Variants in ARHGEF4 observed in about 807,000 individuals in gnomAD.
ARHGEF4 encodes the protein APC-stimulated guanine nucleotide exchange factor 1.
In ARHGEF4, 119 loss-of-function variants were observed where a neutral mutation model predicts 162.0. The ratio of observed to expected loss-of-function variants is 0.73; its 90% CI spans 0.63 to 0.86. The LOEUF (loss-of-function observed/expected upper bound fraction) is 0.86. Among genes scored for constraint, ARHGEF4 ranks in the 40% least tolerant of loss-of-function variants. The pLI is 0.00. For missense variants in ARHGEF4, 2,488 were observed against 2,456.0 expected (o/e 1.01, Z -0.28); for synonymous variants, 1,014 against 979.9 (o/e 1.03, Z -0.65).
At position 130,875,429 on chromosome 2, in the gene ARHGEF4, T is replaced by G. The variant is rs1056350077; in HGVS notation, c.39+38437T>G. On this transcript the variant is annotated intron_variant, in intron 1 of 13. Coordinates refer to ENST00000409359, the MANE Select transcript of ARHGEF4 (RefSeq NM_001367493.1). Reference sequence around the variant, plus strand: ...GTTGATGGTTCTGGAGGCTGGGAAGTGCAAGATCAGACAGCCACGTCTGCT... The same window carrying G: ...GTTGATGGTTCTGGAGGCTGGGAAGGGCAAGATCAGACAGCCACGTCTGCT... Among the ~76,000 whole-genome samples the G allele has an allele frequency of 4.6e-5, 7 of 152,276 alleles. No individual in the cohort carries two copies. In the East Asian group the frequency reaches 1.2e-3, roughly 25 times the overall value.
intron 4 of ARHGEF4, among the ~76,000 whole-genome samples, chr2:130,957,937 C>A (rs1371541994): frequency 6.6e-6 from 1 of 151,664 alleles, no homozygotes; most frequent in Non-Finnish European, 1.5e-5. Context: ...CCAATTATAG[C>A]AGCCTGAACT....
Position 131,046,403 on chromosome 2 carries a change from C to T in ARHGEF4, c.*214C>T. On this transcript the variant is annotated 3_prime_UTR_variant, in exon 14 of 14. Transcript: ENST00000409359. ...TGAAGAGACCAGCAAGGGGGCAGAC[C>T]CCGCACTCGCCACACCGCCGCTGCA... 1.8e-6 allele frequency: 1 copy of T among 570,832 alleles called. No individual in the cohort carries two copies. The highest frequency in any genetic ancestry group is 2.3e-5 in the South Asian group (1 of 43,704). The allele number at this position is 570,832 out of a possible 1,614,324, so 35.4% of individuals were successfully genotyped here.
At position 130,919,692 on chromosome 2, in the gene ARHGEF4, A is replaced by G. The variant is rs562902701; in HGVS notation, c.3552+2194A>G. ...GAAGTTCGAGACCAGCCTGGCCAAC[A>G]TGGTGAAACCCCGTCTCTACTAAAA... On this transcript the variant is annotated intron_variant, in intron 2 of 13. Transcript: ENST00000409359. Among the ~76,000 whole-genome samples, 6 of 152,266 alleles carry G rather than the reference A, an allele frequency of 3.9e-5. No homozygotes were observed. In the East Asian group the frequency reaches 1.2e-3, roughly 29 times the overall value.
At chr2:130,870,731 A>G (rs1375910731) in intron 1 of ARHGEF4, among the ~76,000 whole-genome samples, 2 of 152,094 alleles carry the variant, frequency 1.3e-5, no homozygotes, top group Non-Finnish European at 2.9e-5. Flanking sequence ...TTACAAGGCT[A>G]TGGTCAAGAT....
intron 4 of ARHGEF4, among the ~76,000 whole-genome samples, chr2:130,958,408 T>TG (rs1056665400): frequency 3.3e-5 from 5 of 151,922 alleles, no homozygotes; most frequent in African/African-American, 9.7e-5. Context: ...TTTTTTTTTT[T>TG]GCTGGGGAGG....
intron 2 of ARHGEF4, among the ~76,000 whole-genome samples, chr2:130,927,107 T>A (rs761760670): frequency 1.3e-5 from 2 of 152,070 alleles, no homozygotes; most frequent in African/African-American, 2.4e-5. Flanking sequence ...ATTAGGTTGA[T>A]GCCCTTTAGA....
At chr2:130,837,423 C>G (rs550455866) in intron 1 of ARHGEF4, 4 of 324,760 alleles carry the variant, frequency 1.2e-5, no homozygotes, top group Admixed American at 4.5e-5. Context: ...GGTGCCGGCC[C>G]GGTGGGTACG....
Position 130,916,756 on chromosome 2 carries a change from C to T in ARHGEF4, c.2810C>T (p.Ser937Phe), listed in dbSNP as rs1421314339. 1.4e-5 allele frequency: 21 copies of T among 1,550,542 alleles called. No homozygotes were observed. The highest frequency in any genetic ancestry group is 1.8e-5 in the Non-Finnish European group (21 of 1,147,050). ...KENTHERSPS[S>F]PKGEKEKSRL... ...AACACCCATGAACGTTCCCCAAGTT[C>T]TCCCAAGGGCGAGAAGGAGAAGAGC... is the stretch of plus-strand genomic sequence containing the variant. Residue 937 changes from serine (S) to phenylalanine (F), a missense_variant, in exon 2 of 14, where the codon TCT becomes TTT. Physicochemically the swap from Ser to Phe is radical, Grantham distance 155. Around this residue, in one of 6 missense-constraint regions of ARHGEF4, gnomAD observed 1,642 missense variants for 1,481.5 expected, o/e 1.11. Transcript: ENST00000409359.
intron 4 of ARHGEF4, among the ~76,000 whole-genome samples, chr2:130,982,595 CTT>C (rs1686197179): frequency 6.8e-6 from 1 of 147,614 alleles, no homozygotes; most frequent in South Asian, 2.3e-4. Context: ...CCTCCTCCTC[CTT>C]TCCCTCCTCC....
At position 130,934,915 on chromosome 2, in the gene ARHGEF4, T is replaced by A. The variant is rs566611894; in HGVS notation, c.3858+3658T>A. Among the ~76,000 whole-genome samples the A allele has an allele frequency of 3.9e-5, 6 of 152,314 alleles. No homozygotes were observed. The South Asian group carries it at 1.2e-3, about 32-fold the overall frequency. On this transcript the variant is annotated intron_variant, in intron 3 of 13. Coordinates refer to ENST00000409359, the MANE Select transcript of ARHGEF4 (RefSeq NM_001367493.1). Reference sequence around the variant, plus strand: ...GAATTTCTCCATTTTATCTACATTATCTAATCTGTTGATATACAATTGTCC... The same window carrying A: ...GAATTTCTCCATTTTATCTACATTAACTAATCTGTTGATATACAATTGTCC...
intron 4 of ARHGEF4, among the ~76,000 whole-genome samples, chr2:130,991,575 G>A (rs1272935206): frequency 6.6e-6 from 1 of 152,254 alleles, no homozygotes; most frequent in African/African-American, 2.4e-5. Context: ...GGCAATGAGG[G>A]AATTAGCACC....
At chr2:131,006,026 G>C (rs1688092621) in intron 4 of ARHGEF4, among the ~76,000 whole-genome samples, 1 of 152,214 alleles carries the variant, frequency 6.6e-6, no homozygotes, top group Non-Finnish European at 1.5e-5. Flanking sequence ...CAGGAGAGGA[G>C]CTAAGAGAGA....
chr2:130,984,688 T>TAA (rs78222237), intron 4 of ARHGEF4, among the ~76,000 whole-genome samples: 5,569 of 137,448 alleles, frequency 0.041, 335 homozygotes, highest in African/African-American at 0.13. Flanking sequence ...GGCTCTGTCT[T>TAA]AAAAAAAAAA....
intron 1 of ARHGEF4, among the ~76,000 whole-genome samples, chr2:130,895,399 C>T (rs892456261): frequency 2.0e-5 from 3 of 152,222 alleles, no homozygotes; most frequent in Non-Finnish European, 4.4e-5. Flanking sequence ...GCTTACAAAT[C>T]TTTGTGTGAA....
chr2:130,872,500 C>A (rs1678554613), intron 1 of ARHGEF4, among the ~76,000 whole-genome samples: 1 of 152,180 alleles, frequency 6.6e-6, no homozygotes, highest in African/African-American at 2.4e-5. Flanking sequence ...CTGCCATCCC[C>A]AGCCCTCCTC....
intron 5 of ARHGEF4, among the ~76,000 whole-genome samples, chr2:131,031,452 G>A (rs1260837532): frequency 6.6e-6 from 1 of 152,212 alleles, no homozygotes; most frequent in Non-Finnish European, 1.5e-5. Flanking sequence ...TGTGTAGTGA[G>A]TACTTGCGTC....
chr2:131,040,285 C>A lies in ARHGEF4; in HGVS notation c.4507C>A (p.Arg1503Ser). Reference protein sequence around the residue: ...CEGYVRQCRKRADMFSEEQLR... With the variant: ...CEGYVRQCRKSADMFSEEQLR... ...GGGCTACGTCCGGCAGTGCCGCAAG[C>A]GCGCAGACATGTTCAGCGAGGAGCA... Residue 1503 changes from arginine to serine, a missense_variant, in exon 8 of 14, where the codon CGC becomes AGC. Arg to Ser is a moderately radical substitution (Grantham distance 110). Around this residue, in one of 6 missense-constraint regions of ARHGEF4, gnomAD observed 415 missense variants for 512.4 expected, o/e 0.81. Coordinates refer to ENST00000409359, the MANE Select transcript of ARHGEF4 (RefSeq NM_001367493.1). The A allele has an allele frequency of 1.9e-6, 3 of 1,612,950 alleles. No individual in the cohort carries two copies. The highest frequency in any genetic ancestry group is 8.5e-7 in the Non-Finnish European group (1 of 1,179,760).
intron 1 of ARHGEF4, among the ~76,000 whole-genome samples, chr2:130,898,284 G>A (rs16856321): frequency 0.02 from 2,974 of 152,278 alleles, 79 homozygotes; most frequent in African/African-American, 0.066. Flanking sequence ...GCACCGCTGC[G>A]TTCACAGGCA....
intron 1 of ARHGEF4, among the ~76,000 whole-genome samples, chr2:130,853,794 C>T (rs779525176): frequency 2.6e-5 from 4 of 152,208 alleles, no homozygotes; most frequent in African/African-American, 4.8e-5. Context: ...CAAGCCCTGC[C>T]GTCATCCCAG....
Sources: allele counts gnomAD v4.1 joint callset (sites outside exome capture counted in the v4.1 genomes callset), GRCh38; gene constraint gnomAD v4.1.1; regional missense constraint gnomAD v4.1.1; transcripts MANE v1.5; gene names NCBI Gene and HGNC (gene_info 2026-07-23, HGNC 2026-07-21).